Variants in TRIM14 observed in about 807,000 individuals in gnomAD.
TRIM14 encodes tripartite motif-containing protein 14.
Under a neutral mutation model 44.5 loss-of-function variants are expected in TRIM14, and 28 were observed. The ratio of observed to expected loss-of-function variants is 0.63; its 90% CI spans 0.47 to 0.86. The LOEUF (loss-of-function observed/expected upper bound fraction) is 0.86, where lower values mean the gene tolerates loss of function less well. TRIM14 is among the 40% of genes least tolerant of loss of function. The pLI, the probability that TRIM14 is intolerant of heterozygous loss-of-function variation, is 0.00. For missense variants in TRIM14, 607 were observed against 611.1 expected, an observed-to-expected ratio of 0.99 and a Z score of 0.07; for synonymous variants, 299 against 269.2, an observed-to-expected ratio of 1.11 and a Z score of -1.08.
At chr9:98,064,083 C>T in the TRIM14 span, among the ~76,000 whole-genome samples, 1 of 152,184 alleles carries the variant, frequency 6.6e-6, no homozygotes, top group Non-Finnish European at 1.5e-5. Context: ...ACATGCAGCT[C>T]AGGCCAGAGG....
chr9:98,051,523 TA>T, the TRIM14 span, among the ~76,000 whole-genome samples: 45,757 of 152,018 alleles, frequency 0.3, 8,679 homozygotes, highest in African/African-American at 0.53. Context: ...TAGAACCTGC[TA>T]TAGAACCTAT....
intron 1 of TRIM14, among the ~76,000 whole-genome samples, chr9:98,112,128 G>C (rs1564190343): frequency 1.3e-5 from 2 of 152,118 alleles, no homozygotes; most frequent in Non-Finnish European, 2.9e-5. Context: ...ATCTACAAAT[G>C]CTGGTAGAAA....
chr9:98,116,845 C>CA (rs149202287), intron 1 of TRIM14, among the ~76,000 whole-genome samples: 1,065 of 100,736 alleles, frequency 0.011, 19 homozygotes, highest in African/African-American at 0.034. Context: ...CCCTGTGTCT[C>CA]AAAAAAAAAA....
At chr9:98,046,197 A>G in the TRIM14 span, among the ~76,000 whole-genome samples, 1 of 152,186 alleles carries the variant, frequency 6.6e-6, no homozygotes, top group Non-Finnish European at 1.5e-5. Flanking sequence ...AGCAAACCCA[A>G]TATCCTAGGT....
At chr9:98,050,754 T>C in the TRIM14 span, among the ~76,000 whole-genome samples, 2 of 152,128 alleles carry the variant, frequency 1.3e-5, no homozygotes, top group African/African-American at 2.4e-5. Context: ...GTGTCATTCA[T>C]AGGTTATGGT....
chr9:98,041,368 TA>T, the TRIM14 span, among the ~76,000 whole-genome samples: 1 of 152,062 alleles, frequency 6.6e-6, no homozygotes, highest in Admixed American at 6.6e-5. Context: ...GTATTTTTAG[TA>T]GAGATGGGGT....
chr9:98,043,032 C>T, the TRIM14 span, among the ~76,000 whole-genome samples: 1 of 152,130 alleles, frequency 6.6e-6, no homozygotes, highest in African/African-American at 2.4e-5. Context: ...GTATACAACA[C>T]ATAAATACAT....
chr9:98,072,247 G>A (rs1440632801), intron 6 of TRIM14, among the ~76,000 whole-genome samples: 1 of 151,986 alleles, frequency 6.6e-6, no homozygotes, highest in Non-Finnish European at 1.5e-5. Context: ...GCCAGCACAG[G>A]GCCAGGTCTA....
chr9:98,080,208 T>A (rs1054988595), downstream of TRIM14, among the ~76,000 whole-genome samples: 2 of 152,196 alleles, frequency 1.3e-5, no homozygotes, highest in Non-Finnish European at 2.9e-5. Flanking sequence ...AGCAAGACTC[T>A]GTTTCAAAAA....
At position 98,087,710 on chromosome 9, in the gene TRIM14, G is replaced by T. The variant is rs1825836725; in HGVS notation, c.1089C>A (p.Cys363Ter). 1 of 1,597,380 alleles carries T rather than the reference G, an allele frequency of 6.3e-7. No individual in the cohort carries two copies. The highest frequency in any genetic ancestry group is 8.5e-7 in the Non-Finnish European group (1 of 1,177,880). ...AGTACTCAAGGTCGTAGCGCTTGAG[G>T]CACCAGGACTGGCGGTTGCAGCCCA... ...ARLGCNRQSW[C>*]LKRYDLEYWA... The change falls in exon 6 of 6, where the codon TGC becomes TGA. Residue 363 changes from cysteine to a stop codon, truncating the protein, a stop_gained. Transcript: ENST00000341469. LOFTEE classifies it high-confidence loss of function.
In TRIM14 at chr9:98,100,207, C is replaced by G. The variant is rs78700906; in HGVS notation, c.304-43G>C. 3.8e-4 allele frequency: 579 copies of G among 1,536,946 alleles called. 10 individuals are homozygous for G. In the East Asian group the frequency reaches 0.012, roughly 31 times the overall value. On this transcript the variant is annotated intron_variant, in intron 2 of 5. Coordinates refer to ENST00000341469, the MANE Select transcript of TRIM14 (RefSeq NM_014788.4). ...AGTTGCAGATGACATGTCTGCCAAC[C>G]AGGAAATCCAGAATAATCAACATGA...
At chr9:98,058,946 G>T in the TRIM14 span, among the ~76,000 whole-genome samples, 1 of 152,122 alleles carries the variant, frequency 6.6e-6, no homozygotes, top group Non-Finnish European at 1.5e-5. Context: ...CCAGCATCAA[G>T]TCCTGACTCT....
Position 98,091,902 on chromosome 9 carries a change from G to C in TRIM14, c.793+7C>G. 3 of 1,586,652 alleles carry C rather than the reference G, an allele frequency of 1.9e-6. No homozygotes were observed. The highest frequency in any genetic ancestry group is 2.6e-6 in the Non-Finnish European group (3 of 1,163,238). On this transcript the variant is annotated splice_region_variant and intron_variant, in intron 5 of 5. Transcript: ENST00000341469. The stretch of plus-strand genomic sequence containing the variant: ...CTCCACCCTATCCCCACTCCCGGGG[G>C]TCTTACATTTCAGCAATAGCGATCG...
chr9:98,069,859 G>T (rs1457379023), intron 6 of TRIM14, among the ~76,000 whole-genome samples: 1 of 152,114 alleles, frequency 6.6e-6, no homozygotes, highest in Non-Finnish European at 1.5e-5. Flanking sequence ...TGTGCATGGG[G>T]TAAAATTGCA....
At chr9:98,100,316 A>T in intron 2 of TRIM14, 152 bp from the exon 3 acceptor site, 1 of 667,016 alleles carries the variant, frequency 1.5e-6, no homozygotes, top group Non-Finnish European at 2.6e-6. Flanking sequence ...AAGCTTTCCT[A>T]AGCACCAGCC....
intron 3 of TRIM14, among the ~76,000 whole-genome samples, chr9:98,097,319 C>A (rs183563324): frequency 4.1e-4 from 63 of 152,194 alleles, no homozygotes; most frequent in African/African-American, 1.5e-3. Flanking sequence ...TCAATCCCCC[C>A]ACCCTTATAC....
At chr9:98,065,308 CTTTTTTTTTTTT>C (rs758040892), downstream of TRIM14, among the ~76,000 whole-genome samples, 4 of 92,764 alleles carry the variant, frequency 4.3e-5, no homozygotes, top group African/African-American at 2.0e-4. Context: ...ACTCCTGGTG[CTTTTTTTTTTTT>C]TTTTTTTTTG....
chr9:98,057,962 A>G, the TRIM14 span, among the ~76,000 whole-genome samples: 1 of 107,860 alleles, frequency 9.3e-6, no homozygotes. Context: ...TCTCTGTATC[A>G]CCCAGGCTGG....
At chr9:98,078,359 G>C (rs1829688866) in intron 6 of TRIM14, 1 of 1,612,292 alleles carries the variant, frequency 6.2e-7, no homozygotes, top group African/African-American at 1.3e-5. Context: ...TGAGCAGGAG[G>C]GAGGGGGTTC....
Sources: gnomAD v4.1 joint callset for allele counts (sites outside exome capture counted in the v4.1 genomes callset) on GRCh38, gnomAD v4.1.1 for gene constraint, MANE v1.5 for transcripts, NCBI Gene and HGNC (gene_info 2026-07-23, HGNC 2026-07-21) for gene names.